The following PTPRK variants were observed in gnomAD, a reference collection of about 807,000 sequenced individuals.
PTPRK encodes the protein protein tyrosine phosphatase receptor type K, also known as receptor-type tyrosine-protein phosphatase kappa.
Under a neutral mutation model 178.0 loss-of-function variants are expected in PTPRK, and 75 were observed. The ratio of observed to expected loss-of-function variants is 0.42; its 90% CI spans 0.35 to 0.51. PTPRK has a LOEUF of 0.51. PTPRK is among the 20% of genes least tolerant of loss of function. PTPRK has a pLI of 0.02. For synonymous variants in PTPRK, 637 were observed against 620.6 expected (o/e 1.03, Z -0.39); for missense variants, 1,441 against 1,797.8 (o/e 0.80, Z 3.59).
At chr6:128,078,175 C>A (rs190342642) in intron 11 of PTPRK, among the ~76,000 whole-genome samples, 14 of 151,934 alleles carry the variant, frequency 9.2e-5, no homozygotes, top group Non-Finnish European at 1.5e-4. Flanking sequence ...AAGGCCAATG[C>A]TCTTAAGTCA....
chr6:128,090,785 C>T (rs939357024), intron 7 of PTPRK, among the ~76,000 whole-genome samples: 3 of 152,118 alleles, frequency 2.0e-5, no homozygotes, highest in South Asian at 4.1e-4. Flanking sequence ...ACTTAATCAA[C>T]GTAACTACTC....
At chr6:128,438,841 T>A (rs1845935883) in intron 1 of PTPRK, among the ~76,000 whole-genome samples, 1 of 152,186 alleles carries the variant, frequency 6.6e-6, no homozygotes, top group Non-Finnish European at 1.5e-5. Flanking sequence ...GAGCTCCTAG[T>A]ACTCCTGGTA....
At chr6:128,154,562 T>G (rs1288510036) in intron 7 of PTPRK, among the ~76,000 whole-genome samples, 2 of 151,586 alleles carry the variant, frequency 1.3e-5, no homozygotes, top group African/African-American at 4.8e-5. Context: ...GACTAAAAAT[T>G]TTCAAAAACG....
Position 128,316,897 on chromosome 6 carries a change from A to C in PTPRK, c.495+5142T>G, listed in dbSNP as rs568719894. ...ATGCCCGGCTAATTTCAGGATTCTA[A>C]GTTTCAAGAAAACAATGACTATAAT... On this transcript the variant is annotated intron_variant, in intron 3 of 29. Coordinates refer to ENST00000368226, the MANE Select transcript of PTPRK (RefSeq NM_002844.4). 2.3e-3 allele frequency among the ~76,000 whole-genome samples: 357 copies of C among 151,924 alleles called. 2 individuals are homozygous for C. The highest frequency in any genetic ancestry group is 6.8e-3 in the Middle Eastern group (2 of 292).
At chr6:128,159,730 G>A (rs757163571) in intron 7 of PTPRK, among the ~76,000 whole-genome samples, 9 of 151,642 alleles carry the variant, frequency 5.9e-5, no homozygotes, top group Non-Finnish European at 7.4e-5. Flanking sequence ...AAGTCTGCTT[G>A]TGCTGGTACC....
intron 1 of PTPRK, among the ~76,000 whole-genome samples, chr6:128,469,415 C>T (rs74570879): frequency 0.011 from 1,713 of 152,120 alleles, 34 homozygotes; most frequent in African/African-American, 0.039. Flanking sequence ...AAAATGCTGG[C>T]CATTTTTTAT....
chr6:128,320,802 C>A (rs1167995446), intron 3 of PTPRK, among the ~76,000 whole-genome samples: 2 of 152,116 alleles, frequency 1.3e-5, no homozygotes, highest in East Asian at 1.9e-4. Flanking sequence ...CTCCCATCCA[C>A]CTACCTACCA....
chr6:128,302,708 G>C (rs1323925458), intron 3 of PTPRK, among the ~76,000 whole-genome samples: 1 of 151,626 alleles, frequency 6.6e-6, no homozygotes, highest in Non-Finnish European at 1.5e-5. Context: ...CAATTTTCTG[G>C]CTCTTCTATA....
At chr6:128,367,978 A>G (rs1465003608) in intron 2 of PTPRK, among the ~76,000 whole-genome samples, 1 of 152,154 alleles carries the variant, frequency 6.6e-6, no homozygotes, top group African/African-American at 2.4e-5. Context: ...TAATTTTTGA[A>G]ATTTGACTCT....
At chr6:128,375,893 A>G (rs1383327597) in intron 2 of PTPRK, among the ~76,000 whole-genome samples, 2 of 152,218 alleles carry the variant, frequency 1.3e-5, no homozygotes, top group African/African-American at 4.8e-5. Context: ...CTTAAATTCC[A>G]AAATGAGCTC....
chr6:128,009,276 G>GA lies in PTPRK; in HGVS notation c.2195-9dup. On this transcript the variant is annotated splice_polypyrimidine_tract_variant and intron_variant, in intron 13 of 29. Coordinates refer to ENST00000368226, the MANE Select transcript of PTPRK (RefSeq NM_002844.4). ...GTTCTTCTGTTGCTGCTGCTAAATG[G>GA]ATAAAAAAAAAAATCAGTTACTGAA... The GA allele has an allele frequency of 1.3e-6, 2 of 1,546,214 alleles. No homozygotes were observed. Among genetic ancestry groups the GA allele is most frequent in the Non-Finnish European group, 8.7e-7 (1 of 1,148,642 alleles).
chr6:128,062,594 T>C (rs1490568075), intron 13 of PTPRK: 2 of 167,060 alleles, frequency 1.2e-5, no homozygotes, highest in South Asian at 2.1e-4. Flanking sequence ...ATGTCCCTCT[T>C]AAGTACAAAA....
At chr6:128,364,145 A>G (rs1835151051) in intron 2 of PTPRK, among the ~76,000 whole-genome samples, 1 of 152,100 alleles carries the variant, frequency 6.6e-6, no homozygotes, top group Non-Finnish European at 1.5e-5. Flanking sequence ...CTCAAATTTT[A>G]TCATTCAATT....
intron 13 of PTPRK, among the ~76,000 whole-genome samples, chr6:128,046,528 C>T (rs561118398): frequency 2.6e-5 from 4 of 152,140 alleles, no homozygotes; most frequent in African/African-American, 9.6e-5. Flanking sequence ...TAACTTCCAT[C>T]CCTTTAAAAA....
intron 2 of PTPRK, among the ~76,000 whole-genome samples, chr6:128,342,208 T>C (rs1449317901): frequency 2.7e-5 from 4 of 147,388 alleles, no homozygotes; most frequent in Admixed American, 6.7e-5. Context: ...AGCCGAGATC[T>C]CACCACTGCA....
intron 1 of PTPRK, among the ~76,000 whole-genome samples, chr6:128,430,228 G>C (rs1032535134): frequency 5.3e-5 from 8 of 152,176 alleles, no homozygotes; most frequent in African/African-American, 1.9e-4. Context: ...ATACAGCTTT[G>C]ACAGGAGACA....
chr6:128,023,349 TTC>T (rs1432678778), intron 13 of PTPRK, among the ~76,000 whole-genome samples: 1 of 152,194 alleles, frequency 6.6e-6, no homozygotes, highest in African/African-American at 2.4e-5. Flanking sequence ...TGATCTTAAA[TTC>T]ACAACTCCCT....
intron 3 of PTPRK, among the ~76,000 whole-genome samples, chr6:128,285,792 G>A (rs1391679273): frequency 1.3e-5 from 2 of 151,548 alleles, no homozygotes; most frequent in Non-Finnish European, 2.9e-5. Context: ...AGAGTAATAC[G>A]CTGTCTCAAA....
At chr6:128,111,438 G>C (rs1203844742) in intron 7 of PTPRK, among the ~76,000 whole-genome samples, 1 of 152,080 alleles carries the variant, frequency 6.6e-6, no homozygotes, top group Non-Finnish European at 1.5e-5. Flanking sequence ...TAAAGAATAA[G>C]AGAAAAAACA....
Sources: gnomAD v4.1 joint callset for allele counts (sites outside exome capture counted in the v4.1 genomes callset) on GRCh38, gnomAD v4.1.1 for gene constraint, MANE v1.5 for transcripts, NCBI Gene and HGNC (gene_info 2026-07-23, HGNC 2026-07-21) for gene names.